The following C2CD3 variants were observed in gnomAD, a reference collection of about 807,000 sequenced individuals.
C2CD3 encodes C2 domain containing 3 centriole elongation regulator.
In C2CD3, 148 loss-of-function variants were observed where a neutral mutation model predicts 234.0. The ratio of observed to expected loss-of-function variants is 0.63; its 90% CI spans 0.55 to 0.72. The LOEUF is 0.72. C2CD3 is among the 30% of genes least tolerant of loss of function. C2CD3 has a pLI of 0.00. For missense variants in C2CD3, 2,577 were observed against 2,811.5 expected (o/e 0.92, Z 1.89); for synonymous variants, 1,000 against 1,035.4 (o/e 0.97, Z 0.66).
At chr11:74,138,252 C>T (rs2135542984) in intron 5 of C2CD3, among the ~76,000 whole-genome samples, 1 of 152,232 alleles carries the variant, frequency 6.6e-6, no homozygotes, top group East Asian at 1.9e-4. Flanking sequence ...TCTATTTGGC[C>T]ACAGTCATTA....
chr11:74,058,423 TATTTCTATCATGTAG>T (rs1467822064), intron 24 of C2CD3, among the ~76,000 whole-genome samples: 1 of 152,226 alleles, frequency 6.6e-6, no homozygotes, highest in Non-Finnish European at 1.5e-5. Context: ...TCCTATTGAT[TATTTCTATCATGTAG>T]ATTTCTATCA....
chr11:74,139,509 G>T, intron 4 of C2CD3, 96 bp downstream of exon 4: 1 of 918,856 alleles, frequency 1.1e-6, no homozygotes, highest in Non-Finnish European at 1.8e-6. Context: ...GCCTCTCTCT[G>T]CTGTTAATCT....
In C2CD3 at chr11:74,161,618, G is replaced by C; in HGVS notation, c.326-62C>G. ...TTACTTTTATTTTCTTTTTTAAGACGTGGGTAGAGGGGTATATGCGGAAAA... is the reference window on the plus strand; with the variant it reads ...TTACTTTTATTTTCTTTTTTAAGACCTGGGTAGAGGGGTATATGCGGAAAA... On this transcript the variant is annotated intron_variant, in intron 2 of 32. Coordinates refer to ENST00000334126, the MANE Select transcript of C2CD3 (RefSeq NM_001286577.2). The C allele has an allele frequency of 8.6e-7, 1 of 1,169,356 alleles. No individual in the cohort carries two copies. The highest frequency in any genetic ancestry group is 1.6e-5 in the South Asian group (1 of 60,660). The allele number at this position is 1,169,356 out of a possible 1,614,324, so 72.4% of individuals were successfully genotyped here.
At chr11:74,066,490 G>A (rs887892117) in intron 24 of C2CD3, among the ~76,000 whole-genome samples, 5 of 151,772 alleles carry the variant, frequency 3.3e-5, no homozygotes, top group Non-Finnish European at 5.9e-5. Flanking sequence ...TAAAAGACAG[G>A]TTCTAGTTCC....
intron 5 of C2CD3, 75 bp downstream of exon 5, chr11:74,138,645 T>C (rs1019376321): frequency 8.3e-6 from 10 of 1,211,022 alleles, no homozygotes; most frequent in Non-Finnish European, 1.2e-5. Context: ...TTGGTTCTCT[T>C]TGTAGGCTGG....
chr11:74,082,159 G>A (rs1415408419), intron 22 of C2CD3, among the ~76,000 whole-genome samples: 1 of 143,568 alleles, frequency 7.0e-6, no homozygotes, highest in Non-Finnish European at 1.5e-5. Context: ...GTCTCGGTCT[G>A]TCGCCCAGGC....
intron 13 of C2CD3, among the ~76,000 whole-genome samples, chr11:74,104,271 T>C (rs538075441): frequency 1.7e-3 from 255 of 152,276 alleles, no homozygotes; most frequent in African/African-American, 5.4e-3. Flanking sequence ...CAAAATGCAA[T>C]AGATAATCCT....
chr11:74,039,533 G>A (rs1952916358), intron 29 of C2CD3, among the ~76,000 whole-genome samples: 1 of 152,174 alleles, frequency 6.6e-6, no homozygotes, highest in South Asian at 2.1e-4. Flanking sequence ...GCACTGTGTG[G>A]ATGGGTCCTA....
chr11:74,074,685 T>C (rs1369344815), intron 23 of C2CD3, 85 bp from the exon 24 acceptor site: 1 of 1,086,360 alleles, frequency 9.2e-7, no homozygotes, highest in Admixed American at 2.6e-5. Context: ...GGTGCTGTGG[T>C]CCTTTCTCCT....
At position 74,093,920 on chromosome 11, in the gene C2CD3, A is replaced by G. The variant is rs1370584027; in HGVS notation, c.3240T>C (p.Ser1080=). 1 of 1,613,976 alleles carries G rather than the reference A, an allele frequency of 6.2e-7. No individual in the cohort carries two copies. The highest frequency in any genetic ancestry group is 1.3e-5 in the African/African-American group (1 of 74,922). ...CTGGAACCTCAGCTGGCAACAGGAG[A>G]GAGTGATGGTGTTCACTATTAAAGA... ...DPIFNSEHHH[S]LLLPAEVPVQ... is the part of the protein sequence containing the mutation. Residue 1080 remains serine, a synonymous_variant, in exon 18 of 33, where the codon TCT becomes TCC. Transcript: ENST00000334126.
intron 24 of C2CD3, among the ~76,000 whole-genome samples, chr11:74,067,722 G>A (rs1215716158): frequency 2.6e-5 from 4 of 152,044 alleles, no homozygotes; most frequent in Admixed American, 6.6e-5. Context: ...GTATTTATGC[G>A]GATTGACTTG....
chr11:74,098,060 G>A lies in C2CD3; in HGVS notation c.2928C>T (p.Ser976=). The A allele has an allele frequency of 6.2e-7, 1 of 1,613,950 alleles. No homozygotes were observed. Among genetic ancestry groups the A allele is most frequent in the Non-Finnish European group, 8.5e-7 (1 of 1,179,812 alleles). Residue 976 remains serine, a synonymous_variant, in exon 16 of 33, where the codon AGC becomes AGT. Coordinates refer to ENST00000334126, the MANE Select transcript of C2CD3 (RefSeq NM_001286577.2). ...GGTCCAGGAAATGGGCTGGCCTAGG[G>A]CTGAAGGGAGGGAGTGTTCCTTCTT... ...KNEEGTLPPF[S]PRPAHFLDQP...
At chr11:74,077,355 G>A (rs190960026) in intron 23 of C2CD3, among the ~76,000 whole-genome samples, 5 of 152,206 alleles carry the variant, frequency 3.3e-5, no homozygotes, top group African/African-American at 1.2e-4. Context: ...CTAGTGCTAC[G>A]AAGTTCAGAG....
intron 26 of C2CD3, among the ~76,000 whole-genome samples, chr11:74,050,337 G>A (rs967781673): frequency 1.3e-5 from 2 of 152,216 alleles, no homozygotes; most frequent in African/African-American, 4.8e-5. Flanking sequence ...TGCAAAATGA[G>A]TCTGGGCTCA....
intron 32 of C2CD3, among the ~76,000 whole-genome samples, chr11:74,022,228 G>C (rs905206781): frequency 1.4e-4 from 22 of 152,194 alleles, no homozygotes; most frequent in African/African-American, 5.1e-4. Context: ...ACAGGCCTTG[G>C]TGATGTGGAT....
At chr11:74,162,517 A>G (rs764397895) in intron 2 of C2CD3, among the ~76,000 whole-genome samples, 1 of 152,224 alleles carries the variant, frequency 6.6e-6, no homozygotes, top group Non-Finnish European at 1.5e-5. Context: ...TATAACAGAG[A>G]TAACAAAACT....
chr11:74,037,005 C>T (rs1402440245), intron 30 of C2CD3, among the ~76,000 whole-genome samples: 2 of 152,146 alleles, frequency 1.3e-5, no homozygotes, highest in African/African-American at 2.4e-5. Context: ...GACTATGAAT[C>T]GCTAACATCC....
Position 74,087,542 on chromosome 11 carries a change from C to T in C2CD3, c.3642-1656G>A, listed in dbSNP as rs746329321. ...TCGCACCAGTGCACTCTAGCCAGGG[C>T]GACAAGAGTGAAACTCCATCTCGAA... On this transcript the variant is annotated intron_variant, in intron 20 of 32. Transcript: ENST00000334126. 6.7e-5 allele frequency among the ~76,000 whole-genome samples: 10 copies of T among 148,792 alleles called. No individual in the cohort carries two copies. In the South Asian group the frequency reaches 1.5e-3, roughly 22 times the overall value.
At chr11:74,097,874 G>C in intron 16 of C2CD3, 135 bp downstream of exon 16, 1 of 762,102 alleles carries the variant, frequency 1.3e-6, no homozygotes, top group Non-Finnish European at 2.1e-6. Context: ...TTGATTTATA[G>C]GAAGCACTGG....
Sources: gnomAD v4.1 joint callset for allele counts (sites outside exome capture counted in the v4.1 genomes callset) on GRCh38, gnomAD v4.1.1 for gene constraint, MANE v1.5 for transcripts, NCBI Gene and HGNC (gene_info 2026-07-23, HGNC 2026-07-21) for gene names.